GLCCI1: variants seen among roughly 807,000 people sequenced by gnomAD.
The protein encoded by GLCCI1 is glucocorticoid-induced transcript 1 protein.
Under a neutral mutation model 52.2 loss-of-function variants are expected in GLCCI1, and 24 were observed. The ratio of observed to expected loss-of-function variants is 0.46; its 90% CI spans 0.33 to 0.65. The LOEUF is 0.65. GLCCI1 is among the 30% of genes least tolerant of loss of function. GLCCI1 has a pLI of 0.02. For missense variants in GLCCI1, 704 were observed against 701.5 expected, an observed-to-expected ratio of 1.00 and a Z score of -0.04; for synonymous variants, 310 against 276.5, an observed-to-expected ratio of 1.12 and a Z score of -1.20.
chr7:8,009,157 T>G (rs1403397534), intron 2 of GLCCI1, among the ~76,000 whole-genome samples: 1 of 152,222 alleles, frequency 6.6e-6, no homozygotes, highest in Non-Finnish European at 1.5e-5. Flanking sequence ...AAAGAAAAAC[T>G]AAAATCCATT....
chr7:8,052,789 C>T (rs576122131), intron 3 of GLCCI1, among the ~76,000 whole-genome samples: 3 of 152,244 alleles, frequency 2.0e-5, no homozygotes, highest in African/African-American at 7.2e-5. Flanking sequence ...TAACATTTTT[C>T]CTGGTTTTAG....
intron 3 of GLCCI1, among the ~76,000 whole-genome samples, chr7:8,046,177 T>TGAAATG (rs1274621916): frequency 6.6e-6 from 1 of 151,086 alleles, no homozygotes; most frequent in Non-Finnish European, 1.5e-5. Context: ...AGCTGGGAAT[T>TGAAATG]GAAAGTTAGG....
intron 1 of GLCCI1, chr7:7,982,015 CGAA>C (rs1422615451): frequency 1.6e-5 from 7 of 430,730 alleles, no homozygotes; most frequent in African/African-American, 6.2e-5. Context: ...TTGGTCACTA[CGAA>C]GAAGAAGAAA....
chr7:7,992,286 G>T (rs575307959), intron 1 of GLCCI1, among the ~76,000 whole-genome samples: 1 of 151,942 alleles, frequency 6.6e-6, no homozygotes, highest in Non-Finnish European at 1.5e-5. Context: ...AGTGGTGGAA[G>T]ACTTGCCCAT....
At chr7:8,069,294 T>TG (rs989360644) in intron 5 of GLCCI1, among the ~76,000 whole-genome samples, 1 of 152,046 alleles carries the variant, frequency 6.6e-6, no homozygotes, top group Non-Finnish European at 1.5e-5. Flanking sequence ...GGGCTCAAGC[T>TG]GGGGGGATCC....
intron 3 of GLCCI1, chr7:8,024,663 C>T (rs781452014): frequency 6.6e-6 from 1 of 152,182 alleles, no homozygotes; most frequent in Non-Finnish European, 1.5e-5. Flanking sequence ...ATGACATACA[C>T]TCTTAAAAAG....
intron 3 of GLCCI1, among the ~76,000 whole-genome samples, chr7:8,054,596 A>T (rs963705493): frequency 6.6e-6 from 1 of 152,088 alleles, no homozygotes. Context: ...TTCAAGGTAA[A>T]TATTTAGATA....
chr7:8,042,052 G>A (rs1349492606), intron 3 of GLCCI1, among the ~76,000 whole-genome samples: 1 of 152,138 alleles, frequency 6.6e-6, no homozygotes, highest in East Asian at 1.9e-4. Flanking sequence ...AATATTTTAA[G>A]CCCACTATGG....
chr7:8,027,490 A>C (rs1583983058), intron 3 of GLCCI1, among the ~76,000 whole-genome samples: 1 of 152,156 alleles, frequency 6.6e-6, no homozygotes, highest in South Asian at 2.1e-4. Flanking sequence ...CCTATCTCAA[A>C]AATAAAAGGA....
intron 1 of GLCCI1, among the ~76,000 whole-genome samples, chr7:7,984,949 A>G (rs1327708065): frequency 1.3e-5 from 2 of 152,182 alleles, no homozygotes; most frequent in Non-Finnish European, 2.9e-5. Flanking sequence ...TTTCTGGAAT[A>G]TTTTGTCCTT....
chr7:7,993,894 TCTTGA>T (rs1780892176), intron 1 of GLCCI1, among the ~76,000 whole-genome samples: 1 of 152,216 alleles, frequency 6.6e-6, no homozygotes, highest in African/African-American at 2.4e-5. Flanking sequence ...TCCAAATGCT[TCTTGA>T]CTTAGGTATG....
chr7:8,076,749 A>G (rs1287096988), intron 6 of GLCCI1, among the ~76,000 whole-genome samples: 9 of 152,226 alleles, frequency 5.9e-5, no homozygotes, highest in Admixed American at 5.9e-4. Context: ...TGTTAGCTCC[A>G]ACAAGAGTAA....
At chr7:8,049,063 A>G (rs1209262694) in intron 3 of GLCCI1, among the ~76,000 whole-genome samples, 2 of 152,234 alleles carry the variant, frequency 1.3e-5, no homozygotes, top group Admixed American at 1.3e-4. Context: ...CTCAGTGGAA[A>G]GAAGAATAAA....
intron 2 of GLCCI1, among the ~76,000 whole-genome samples, chr7:8,012,576 C>T (rs1235871976): frequency 2.0e-5 from 3 of 150,928 alleles, no homozygotes; most frequent in Non-Finnish European, 3.0e-5. Flanking sequence ...TCCCGAGTAG[C>T]TGGGACTACA....
chr7:7,988,662 A>G (rs1221767929), intron 1 of GLCCI1, among the ~76,000 whole-genome samples: 2 of 152,172 alleles, frequency 1.3e-5, no homozygotes, highest in Non-Finnish European at 2.9e-5. Context: ...AGATTATCTT[A>G]TTTATGGTGA....
At chr7:8,025,679 A>C (rs1046440735) in intron 3 of GLCCI1, among the ~76,000 whole-genome samples, 6 of 152,204 alleles carry the variant, frequency 3.9e-5, no homozygotes, top group Admixed American at 3.9e-4. Context: ...AACTAACCAC[A>C]ACTAGGAAAA....
chr7:8,040,811 A>G (rs529185095), intron 3 of GLCCI1, among the ~76,000 whole-genome samples: 33 of 152,344 alleles, frequency 2.2e-4, no homozygotes, highest in Non-Finnish European at 4.3e-4. Context: ...AGCATCATTC[A>G]AACTTAATCC....
At chr7:8,023,990 A>G (rs2127949333) in intron 3 of GLCCI1, among the ~76,000 whole-genome samples, 1 of 152,284 alleles carries the variant, frequency 6.6e-6, no homozygotes, top group East Asian at 1.9e-4. Flanking sequence ...CTGTTCTCTT[A>G]TGTATTGAAC....
In GLCCI1 at chr7:7,983,273, AGTAAT is replaced by A. The variant is rs562739996; in HGVS notation, c.457+13468_457+13472del. 7.8e-4 allele frequency among the ~76,000 whole-genome samples: 119 copies of A among 152,168 alleles called. 1 individual carries two copies. The highest frequency in any genetic ancestry group is 1.5e-3 in the Non-Finnish European group (101 of 67,996). ...TTAGGAAATAGGGAGGTATAGGAAA[AGTAAT>A]GAAATGAATTATAATTAATATTTGT... On this transcript the variant is annotated intron_variant, in intron 1 of 7. Transcript: ENST00000223145.
Sources: allele counts gnomAD v4.1 joint callset (sites outside exome capture counted in the v4.1 genomes callset), GRCh38; gene constraint gnomAD v4.1.1; transcripts MANE v1.5; gene names NCBI Gene and HGNC (gene_info 2026-07-23, HGNC 2026-07-21).